Variants in PLD5 observed in about 807,000 individuals in gnomAD.
PLD5 encodes inactive phospholipase D5.
A neutral mutation model predicts 61.1 loss-of-function variants in PLD5; 36 were observed. The observed-to-expected ratio is 0.59, with a 90% CI of 0.45 to 0.78. The LOEUF (loss-of-function observed/expected upper bound fraction) is 0.78. Among genes scored for constraint, PLD5 ranks in the 30% least tolerant of loss-of-function variants. The pLI is 0.00. For synonymous variants in PLD5, 243 were observed against 242.8 expected (o/e 1.00, Z -0.01); for missense variants, 515 against 644.4 (o/e 0.80, Z 2.17).
At chr1:242,517,033 A>G (rs536427410) in intron 1 of PLD5, among the ~76,000 whole-genome samples, 4 of 152,346 alleles carry the variant, frequency 2.6e-5, no homozygotes, top group Non-Finnish European at 4.4e-5. Context: ...AATTTTGCCT[A>G]TTGGCTTTGA....
chr1:242,125,170 C>T (rs548470450), intron 5 of PLD5, among the ~76,000 whole-genome samples: 11 of 152,040 alleles, frequency 7.2e-5, no homozygotes, highest in African/African-American at 2.2e-4. Context: ...CTTCTTCTTC[C>T]GTAAAATAGA....
chr1:242,438,822 A>G (rs943749636), intron 1 of PLD5, among the ~76,000 whole-genome samples: 3 of 152,232 alleles, frequency 2.0e-5, no homozygotes. Flanking sequence ...ATTTTCCTGT[A>G]TCCTCCTTTA....
At position 242,398,191 on chromosome 1, in the gene PLD5, T is replaced by C. The variant is rs1308281719; in HGVS notation, c.190-49949A>G. 2.0e-5 allele frequency among the ~76,000 whole-genome samples: 3 copies of C among 152,200 alleles called. No homozygotes were observed. In the East Asian group the frequency reaches 5.8e-4, roughly 29 times the overall value. On this transcript the variant is annotated intron_variant, in intron 1 of 9. Transcript: ENST00000536534. The stretch of plus-strand genomic sequence containing the variant: ...ACTTACTATGTGTTTATATCCTAAG[T>C]GTATTGAGGTCCCAGCAATACAGCA...
At chr1:242,207,156 A>G (rs867502508) in intron 5 of PLD5, among the ~76,000 whole-genome samples, 11 of 152,098 alleles carry the variant, frequency 7.2e-5, no homozygotes, top group Middle Eastern at 6.8e-3. Context: ...TCTAGAAAAT[A>G]CCTCCCCAAC....
In PLD5 at chr1:242,132,203, G is replaced by GC. The variant is rs1485548219; in HGVS notation, c.736-7539_736-7538insG. On this transcript the variant is annotated intron_variant, in intron 5 of 9. Transcript: ENST00000536534. The stretch of plus-strand genomic sequence containing the variant: ...GAATGCAGTGATTGCGGGGGGGGGG[G>GC]GGGGCGGAATCATTTTTAGCTAGGT... 2.5e-4 allele frequency among the ~76,000 whole-genome samples: 25 copies of GC among 98,198 alleles called. 4 individuals carry two copies. The highest frequency in any genetic ancestry group is 7.2e-4 in the African/African-American group (20 of 27,600). The allele number at this position is 98,198 out of a possible 152,430, so 64.4% of individuals were successfully genotyped here. A position where few individuals can be genotyped will look rare whatever the true frequency, so the allele number is the denominator to read the frequency against.
intron 1 of PLD5, among the ~76,000 whole-genome samples, chr1:242,506,764 C>T (rs996489447): frequency 1.4e-4 from 21 of 152,108 alleles, no homozygotes; most frequent in Non-Finnish European, 2.6e-4. Context: ...CAGTGTGGAG[C>T]GAAATACTGG....
intron 5 of PLD5, among the ~76,000 whole-genome samples, chr1:242,141,851 C>T (rs921007635): frequency 6.6e-6 from 1 of 152,240 alleles, no homozygotes; most frequent in African/African-American, 2.4e-5. Context: ...ATGTAGTTTA[C>T]AGAAATCCAC....
chr1:242,401,618 C>G (rs369155269), intron 1 of PLD5, among the ~76,000 whole-genome samples: 1 of 152,184 alleles, frequency 6.6e-6, no homozygotes, highest in African/African-American at 2.4e-5. Flanking sequence ...GTGGTGTGCT[C>G]AGGCCCCACA....
intron 9 of PLD5, among the ~76,000 whole-genome samples, chr1:242,095,227 G>T (rs899601270): frequency 6.6e-6 from 1 of 151,556 alleles, no homozygotes; most frequent in African/African-American, 2.4e-5. Flanking sequence ...GAGCCATCGC[G>T]TCCGGCATAT....
intron 1 of PLD5, among the ~76,000 whole-genome samples, chr1:242,430,905 G>A (rs1023290913): frequency 5.3e-5 from 8 of 152,060 alleles, no homozygotes; most frequent in Admixed American, 1.3e-4. Flanking sequence ...GTCCTGCAGC[G>A]CCTCCTGAGT....
intron 5 of PLD5, among the ~76,000 whole-genome samples, chr1:242,211,227 T>C (rs753766030): frequency 6.6e-6 from 1 of 152,192 alleles, no homozygotes; most frequent in East Asian, 1.9e-4. Flanking sequence ...AATTTTAAGA[T>C]GAAGTTATAG....
At chr1:242,382,913 T>C (rs139060216) in intron 1 of PLD5, among the ~76,000 whole-genome samples, 2,986 of 152,328 alleles carry the variant, frequency 0.02, 53 homozygotes, top group Non-Finnish European at 0.032. Flanking sequence ...AGGACTGATA[T>C]GTCTTTAGCA....
chr1:242,502,895 T>A (rs1252414250), intron 1 of PLD5, among the ~76,000 whole-genome samples: 1 of 152,030 alleles, frequency 6.6e-6, no homozygotes, highest in Non-Finnish European at 1.5e-5. Flanking sequence ...ACCCTGTCTC[T>A]ACTAAAAATA....
chr1:242,187,360 C>T (rs1180192725), intron 5 of PLD5, among the ~76,000 whole-genome samples: 1 of 152,186 alleles, frequency 6.6e-6, no homozygotes, highest in Non-Finnish European at 1.5e-5. Flanking sequence ...TTGGTCGTTT[C>T]CTTGAGTCAT....
intron 2 of PLD5, among the ~76,000 whole-genome samples, chr1:242,337,460 G>A (rs751692533): frequency 3.3e-5 from 5 of 151,854 alleles, no homozygotes; most frequent in African/African-American, 7.3e-5. Flanking sequence ...GTGAAACCCC[G>A]TCTCTACTAA....
intron 1 of PLD5, among the ~76,000 whole-genome samples, chr1:242,434,451 G>T (rs982047399): frequency 6.6e-6 from 1 of 152,182 alleles, no homozygotes; most frequent in Non-Finnish European, 1.5e-5. Context: ...GTTCCAACTG[G>T]AAATGCCAAG....
chr1:242,468,467 T>C (rs1290798950), intron 1 of PLD5, among the ~76,000 whole-genome samples: 2 of 152,146 alleles, frequency 1.3e-5, no homozygotes, highest in African/African-American at 4.8e-5. Flanking sequence ...TTCACTGACA[T>C]TTCACTCCTC....
intron 1 of PLD5, among the ~76,000 whole-genome samples, chr1:242,518,202 G>A (rs1669167266): frequency 6.6e-6 from 1 of 152,150 alleles, no homozygotes; most frequent in South Asian, 2.1e-4. Flanking sequence ...CTTTCATAAG[G>A]GCTAGATTTG....
intron 1 of PLD5, among the ~76,000 whole-genome samples, chr1:242,421,023 T>C (rs889425216): frequency 5.9e-5 from 9 of 151,570 alleles, no homozygotes; most frequent in Non-Finnish European, 1.0e-4. Flanking sequence ...CTACTAAAAA[T>C]ACAAAAATTA....
Sources: allele counts gnomAD v4.1 joint callset (sites outside exome capture counted in the v4.1 genomes callset), GRCh38; gene constraint gnomAD v4.1.1; transcripts MANE v1.5; gene names NCBI Gene and HGNC (gene_info 2026-07-23, HGNC 2026-07-21).